The following NEIL3 variants were observed in gnomAD, a reference collection of about 807,000 sequenced individuals.
The protein encoded by NEIL3 is nei like DNA glycosylase 3, also known as endonuclease 8-like 3.
A neutral mutation model predicts 57.5 loss-of-function variants in NEIL3; 48 were observed. The observed-to-expected ratio is 0.83, with a 90% CI of 0.66 to 1.06. The LOEUF (loss-of-function observed/expected upper bound fraction) is 1.06, where lower values mean the gene tolerates loss of function less well. NEIL3 is among the 50% of genes least tolerant of loss of function. NEIL3 has a pLI of 0.00. For missense variants in NEIL3, 717 were observed against 739.1 expected, an observed-to-expected ratio of 0.97 and a Z score of 0.35; for synonymous variants, 261 against 253.2, an observed-to-expected ratio of 1.03 and a Z score of -0.29.
chr4:177,325,729 GT>G (rs1336989975), intron 2 of NEIL3, among the ~76,000 whole-genome samples: 1 of 152,040 alleles, frequency 6.6e-6, no homozygotes, highest in Non-Finnish European at 1.5e-5. Context: ...GGTATTGTCA[GT>G]TGTGTTAATT....
chr4:177,358,064 G>A (rs895904070), intron 8 of NEIL3, among the ~76,000 whole-genome samples: 1 of 152,196 alleles, frequency 6.6e-6, no homozygotes, highest in Non-Finnish European at 1.5e-5. Flanking sequence ...TTTAGAGCCA[G>A]TGTGATACAG....
intron 3 of NEIL3, 84 bp from the exon 4 acceptor site, chr4:177,336,024 C>A: frequency 8.3e-7 from 1 of 1,200,902 alleles, no homozygotes; most frequent in Non-Finnish European, 1.2e-6. Flanking sequence ...ACATAAAGTG[C>A]TTATAGCAAA....
At chr4:177,355,894 T>C (rs28720030) in intron 8 of NEIL3, among the ~76,000 whole-genome samples, 3,055 of 152,310 alleles carry the variant, frequency 0.02, 94 homozygotes, top group African/African-American at 0.07. Flanking sequence ...TCATAATCAT[T>C]TATGATAACT....
In NEIL3 at chr4:177,336,165, A is replaced by C; in HGVS notation, c.471A>C (p.Ser157=). The change falls in exon 4 of 10, where the codon TCA becomes TCC. Residue 157 remains serine, a synonymous_variant. Coordinates refer to ENST00000264596, the MANE Select transcript of NEIL3 (RefSeq NM_018248.3). The part of the protein sequence containing the change: ...IRMMKELDVC[S]PEFSFLRAES... ...TGATGAAAGAATTAGATGTATGTTCACCTGAATTTAGTTTCTTGAGAGCAG... is the reference window on the plus strand; with the variant it reads ...TGATGAAAGAATTAGATGTATGTTCCCCTGAATTTAGTTTCTTGAGAGCAG... 6.2e-7 allele frequency: 1 copy of C among 1,613,940 alleles called. No individual in the cohort carries two copies. Among genetic ancestry groups the C allele is most frequent in the Non-Finnish European group, 8.5e-7 (1 of 1,179,792 alleles).
At chr4:177,369,097 G>A in the NEIL3 span, among the ~76,000 whole-genome samples, 4 of 152,166 alleles carry the variant, frequency 2.6e-5, no homozygotes, top group Non-Finnish European at 5.9e-5. Context: ...TTTTTAAAGC[G>A]ATCTTGCAGA....
downstream of NEIL3, among the ~76,000 whole-genome samples, chr4:177,364,173 TATG>T (rs1735661488): frequency 6.7e-6 from 1 of 148,366 alleles, no homozygotes; most frequent in Non-Finnish European, 1.5e-5. Context: ...TTAATTCTAT[TATG>T]ATAAAATTTC....
the NEIL3 span, among the ~76,000 whole-genome samples, chr4:177,370,139 C>T: frequency 6.6e-6 from 1 of 152,092 alleles, no homozygotes; most frequent in African/African-American, 2.4e-5. Context: ...ATTATGGTTC[C>T]AATGAGACAT....
Position 177,309,894 on chromosome 4 carries a change from T to G in NEIL3, c.-60T>G. On this transcript the variant is annotated 5_prime_UTR_variant, in exon 1 of 10. Transcript: ENST00000264596. ...CGGTCAGTGCCCGCGCAGCGTTGAGTTGCACAGCGGTATTCTCACCAGGCC... is the reference window on the plus strand; with the variant it reads ...CGGTCAGTGCCCGCGCAGCGTTGAGGTGCACAGCGGTATTCTCACCAGGCC... The G allele has an allele frequency of 6.4e-7, 1 of 1,554,076 alleles. No homozygotes were observed. The highest frequency in any genetic ancestry group is 1.2e-5 in the South Asian group (1 of 82,998).
chr4:177,366,588 A>G (rs544269793), downstream of NEIL3, among the ~76,000 whole-genome samples: 17 of 152,242 alleles, frequency 1.1e-4, no homozygotes, highest in South Asian at 3.3e-3. Context: ...TAGTAGAGAC[A>G]GGCTGTCGTC....
At chr4:177,324,987 A>AG (rs1553986960) in intron 2 of NEIL3, among the ~76,000 whole-genome samples, 230 of 152,158 alleles carry the variant, frequency 1.5e-3, no homozygotes, top group African/African-American at 5.3e-3. Context: ...ATAGATAGAT[A>AG]AGTAAATATA....
chr4:177,343,699 C>T (rs1010956482), intron 6 of NEIL3: 17 of 151,906 alleles, frequency 1.1e-4, no homozygotes, highest in East Asian at 1.9e-4. Context: ...CGCTTCACCC[C>T]GTGTTACTAT....
chr4:177,334,484 A>T (rs531421881), intron 2 of NEIL3, among the ~76,000 whole-genome samples: 22 of 152,310 alleles, frequency 1.4e-4, no homozygotes, highest in African/African-American at 4.6e-4. Context: ...TGGTTTCATT[A>T]TAGAAAGTGA....
chr4:177,332,011 C>G (rs1345713916), intron 2 of NEIL3, among the ~76,000 whole-genome samples: 1 of 152,178 alleles, frequency 6.6e-6, no homozygotes, highest in African/African-American at 2.4e-5. Flanking sequence ...GTTCTTACCT[C>G]TCCACCATGT....
At chr4:177,340,335 T>C (rs1578997936) in intron 5 of NEIL3, among the ~76,000 whole-genome samples, 1 of 152,236 alleles carries the variant, frequency 6.6e-6, no homozygotes, top group South Asian at 2.1e-4. Context: ...ATAATGTTTC[T>C]CTGTCTACCA....
Position 177,322,522 on chromosome 4 carries a change from A to G in NEIL3, c.220A>G (p.Ser74Gly). 6.2e-7 allele frequency: 1 copy of G among 1,614,036 alleles called. No homozygotes were observed. Among genetic ancestry groups the G allele is most frequent in the Non-Finnish European group, 8.5e-7 (1 of 1,179,908 alleles). ...GAGCCTGTTTAATGGATATGTTTAC[A>G]GTGGCGTGGAAACTTTGGGGAAGGA... ...VLSLFNGYVY[S>G]GVETLGKELF... is the part of the protein sequence containing the mutation. The change falls in exon 2 of 10, where the codon AGT becomes GGT. Residue 74 changes from serine (S) to glycine (G), a missense_variant. Physicochemically the swap from Ser to Gly is moderately conservative, Grantham distance 56. Transcript: ENST00000264596.
downstream of NEIL3, among the ~76,000 whole-genome samples, chr4:177,365,820 T>G (rs997990597): frequency 6.6e-6 from 1 of 152,210 alleles, no homozygotes; most frequent in Non-Finnish European, 1.5e-5. Context: ...AGTCACAGTT[T>G]CCATGAACCT....
At chr4:177,353,221 A>T in intron 7 of NEIL3, 87 bp from the exon 8 acceptor site, 1 of 1,190,208 alleles carries the variant, frequency 8.4e-7, no homozygotes, top group Non-Finnish European at 1.2e-6. Context: ...AGTGAAGTAA[A>T]TTTTTTAATC....
chr4:177,362,345 A>C lies in NEIL3; in HGVS notation c.1692A>C (p.Thr564=). Reference sequence around the variant, plus strand: ...ATGGCAAGCGTTCCACCATGAAAACAGTATTGAAGATTGGACCTAACAATG... The same window carrying C: ...ATGGCAAGCGTTCCACCATGAAAACCGTATTGAAGATTGGACCTAACAATG... ...CNHGKRSTMK[T]VLKIGPNNGK... Residue 564 remains threonine, a synonymous_variant, in exon 10 of 10, where the codon ACA becomes ACC. Transcript: ENST00000264596. 6.2e-7 allele frequency: 1 copy of C among 1,612,654 alleles called. No individual in the cohort carries two copies. The highest frequency in any genetic ancestry group is 8.5e-7 in the Non-Finnish European group (1 of 1,179,430).
intron 4 of NEIL3, among the ~76,000 whole-genome samples, chr4:177,337,093 CA>C (rs3840269): frequency 0.059 from 7,519 of 126,858 alleles, 329 homozygotes; most frequent in East Asian, 0.3. Flanking sequence ...TTATATGTTG[CA>C]AAAAAAAAAA....
Sources: allele counts gnomAD v4.1 joint callset (sites outside exome capture counted in the v4.1 genomes callset), GRCh38; gene constraint gnomAD v4.1.1; transcripts MANE v1.5; gene names NCBI Gene and HGNC (gene_info 2026-07-23, HGNC 2026-07-21).